FAM13A: variants seen among roughly 807,000 people sequenced by gnomAD.
The protein encoded by FAM13A is family with sequence similarity 13 member A, also known as protein FAM13A.
Under a neutral mutation model 129.6 loss-of-function variants are expected in FAM13A, and 76 were observed. The observed-to-expected ratio is 0.59, with a 90% CI of 0.49 to 0.71. FAM13A has a LOEUF of 0.71. Ranked by LOEUF, FAM13A falls within the 30% of genes least tolerant of loss-of-function variation. The probability of loss-of-function intolerance (pLI) is 0.00; values close to 1 mark genes in which losing one functional copy is unlikely to be tolerated. For missense variants in FAM13A, 1,108 were observed against 1,249.3 expected (o/e 0.89, Z 1.70); for synonymous variants, 443 against 449.9 (o/e 0.98, Z 0.20).
At chr4:88,793,917 T>A (rs1205868580) in intron 8 of FAM13A, among the ~76,000 whole-genome samples, 2 of 151,968 alleles carry the variant, frequency 1.3e-5, no homozygotes, top group African/African-American at 2.4e-5. Flanking sequence ...CTTAACAAAA[T>A]TTTAAAGAAT....
At chr4:88,992,150 TCTCTCTGCCAAG>T in intron 3 of FAM13A, among the ~76,000 whole-genome samples, 1 of 152,180 alleles carries the variant, frequency 6.6e-6, no homozygotes, top group Admixed American at 6.5e-5. Context: ...TTGAGCCCAA[TCTCTCTGCCAAG>T]CTGCAAAACC....
At chr4:88,826,754 G>A (rs761719123) in intron 7 of FAM13A, among the ~76,000 whole-genome samples, 7 of 152,030 alleles carry the variant, frequency 4.6e-5, no homozygotes, top group Admixed American at 2.0e-4. Context: ...TCTTTATGAC[G>A]TCCTCTTGGT....
Position 88,991,006 on chromosome 4 carries a change from T to C in FAM13A, c.572A>G (p.Asn191Ser), listed in dbSNP as rs1476539467. Residue 191 changes from asparagine (N) to serine (S), a missense_variant, in exon 4 of 24, where the codon AAT becomes AGT. This residue lies in a region of FAM13A where 566 missense variants were observed against 595.7 expected (regional missense o/e 0.95). Transcript: ENST00000264344. Reference sequence around the variant, plus strand: ...ATTTGGCCCAAATACAGTGGCGAGATTGTGAACATTCATGCGATTCTGCAC... The same window carrying C: ...ATTTGGCCCAAATACAGTGGCGAGACTGTGAACATTCATGCGATTCTGCAC... ...HHVQNRMNVH[N>S]LATVFGPNCF... is the part of the protein sequence containing the mutation. 3.7e-6 allele frequency: 6 copies of C among 1,614,124 alleles called. No homozygotes were observed. Among genetic ancestry groups the C allele is most frequent in the East Asian group, 2.2e-5 (1 of 44,880 alleles).
chr4:88,910,630 A>G (rs1291166186), intron 5 of FAM13A, among the ~76,000 whole-genome samples: 1 of 149,616 alleles, frequency 6.7e-6, no homozygotes, highest in African/African-American at 2.5e-5. Context: ...GAAATATCCA[A>G]CCTTAAACTT....
chr4:88,942,647 G>A (rs1754970374), intron 4 of FAM13A, among the ~76,000 whole-genome samples: 1 of 139,276 alleles, frequency 7.2e-6, no homozygotes, highest in African/African-American at 2.5e-5. Context: ...TATTGTGAAG[G>A]CTAATAAAAA....
At chr4:88,855,474 C>T (rs1194596146) in intron 6 of FAM13A, 2 of 151,920 alleles carry the variant, frequency 1.3e-5, no homozygotes, top group Non-Finnish European at 2.9e-5. Context: ...CATTAAAATA[C>T]TTACAAAGTT....
At chr4:88,960,233 A>T (rs144274316) in intron 4 of FAM13A, among the ~76,000 whole-genome samples, 1 of 152,346 alleles carries the variant, frequency 6.6e-6, no homozygotes, top group Non-Finnish European at 1.5e-5. Context: ...CGTCAGGAAA[A>T]TAATCTCAGT....
chr4:88,844,493 A>C (rs960491033), intron 7 of FAM13A, among the ~76,000 whole-genome samples: 1 of 152,240 alleles, frequency 6.6e-6, no homozygotes, highest in Non-Finnish European at 1.5e-5. Context: ...GATATAGCCA[A>C]AAAATGTTAT....
intron 1 of FAM13A, 115 bp from the exon 2 acceptor site, chr4:89,029,764 AT>A: frequency 1.2e-6 from 1 of 857,696 alleles, no homozygotes; most frequent in Non-Finnish European, 1.9e-6. Context: ...TTGTGGTCTT[AT>A]TTTTACTTCA....
intron 4 of FAM13A, among the ~76,000 whole-genome samples, chr4:88,961,246 A>G (rs540042734): frequency 4.7e-4 from 72 of 152,172 alleles, no homozygotes; most frequent in African/African-American, 1.6e-3. Context: ...TAAAAATAGA[A>G]TAAGTTTACC....
intron 5 of FAM13A, among the ~76,000 whole-genome samples, chr4:88,918,319 T>G (rs1366245430): frequency 6.6e-6 from 1 of 152,252 alleles, no homozygotes; most frequent in Non-Finnish European, 1.5e-5. Flanking sequence ...TTCTAAGTGC[T>G]TATTACACAT....
intron 6 of FAM13A, among the ~76,000 whole-genome samples, chr4:88,881,563 C>T (rs530557359): frequency 5.7e-4 from 87 of 152,188 alleles, no homozygotes; most frequent in African/African-American, 2.0e-3. Flanking sequence ...TATAACAACA[C>T]GAGGTTCTTT....
intron 7 of FAM13A, among the ~76,000 whole-genome samples, chr4:88,848,596 G>A (rs1311771748): frequency 7.2e-5 from 11 of 152,166 alleles, no homozygotes; most frequent in Non-Finnish European, 1.5e-5. Flanking sequence ...ATGACTTCGG[G>A]AAGGCTCTTA....
intron 8 of FAM13A, among the ~76,000 whole-genome samples, chr4:88,795,438 G>C (rs1725965851): frequency 6.6e-6 from 1 of 151,624 alleles, no homozygotes; most frequent in Non-Finnish European, 1.5e-5. Flanking sequence ...AATTATTGAT[G>C]TTTTCAATTT....
At position 88,987,400 on chromosome 4, in the gene FAM13A, G is replaced by A. The variant is rs894103465; in HGVS notation, c.605+3573C>T. On this transcript the variant is annotated intron_variant, in intron 4 of 23. Transcript: ENST00000264344. ...TAATGAATTACTTGCTAACTGCAAA[G>A]GGAATGCCACAGCCTTACAATACAG... Among the ~76,000 whole-genome samples the A allele has an allele frequency of 3.9e-5, 6 of 152,234 alleles. No homozygotes were observed. In the East Asian group the frequency reaches 1.2e-3, roughly 29 times the overall value.
intron 5 of FAM13A, among the ~76,000 whole-genome samples, chr4:88,923,547 A>G (rs908411601): frequency 1.3e-5 from 2 of 152,202 alleles, no homozygotes; most frequent in East Asian, 3.8e-4. Flanking sequence ...TTGAGGGGAC[A>G]TATCTCAAAA....
chr4:89,003,740 T>C (rs1341870385), intron 3 of FAM13A, among the ~76,000 whole-genome samples: 2 of 152,234 alleles, frequency 1.3e-5, no homozygotes, highest in South Asian at 2.1e-4. Flanking sequence ...ACATTAATTA[T>C]AAATTTAACT....
chr4:89,009,359 T>C (rs1234107642), intron 3 of FAM13A, among the ~76,000 whole-genome samples: 1 of 152,162 alleles, frequency 6.6e-6, no homozygotes, highest in African/African-American at 2.4e-5. Flanking sequence ...AAGACTCCCT[T>C]CAACGCCACT....
chr4:89,027,565 T>C (rs1026823198), intron 2 of FAM13A, among the ~76,000 whole-genome samples: 2 of 151,844 alleles, frequency 1.3e-5, no homozygotes, highest in African/African-American at 2.4e-5. Context: ...GTTCTTACCA[T>C]AGATTTTAGC....
Sources: gnomAD v4.1 joint callset for allele counts (sites outside exome capture counted in the v4.1 genomes callset) on GRCh38, gnomAD v4.1.1 for gene constraint, gnomAD v4.1.1 regional missense constraint, MANE v1.5 for transcripts, NCBI Gene and HGNC (gene_info 2026-07-23, HGNC 2026-07-21) for gene names.